Variants in ANKRD6 observed in about 807,000 individuals in gnomAD.
The protein encoded by ANKRD6 is ankyrin repeat domain-containing protein 6.
In ANKRD6, 56 loss-of-function variants were observed where a neutral mutation model predicts 82.3. The ratio of observed to expected loss-of-function variants is 0.68; its 90% CI spans 0.55 to 0.85. The LOEUF (loss-of-function observed/expected upper bound fraction) is 0.85, where lower values mean the gene tolerates loss of function less well. ANKRD6 is among the 40% of genes least tolerant of loss of function. The probability of loss-of-function intolerance (pLI) is 0.00; values close to 1 mark genes in which losing one functional copy is unlikely to be tolerated. For missense variants in ANKRD6, 852 were observed against 907.6 expected, an observed-to-expected ratio of 0.94 and a Z score of 0.79; for synonymous variants, 347 against 352.1, an observed-to-expected ratio of 0.99 and a Z score of 0.16.
At chr6:89,570,656 C>T (rs1414240070) in intron 2 of ANKRD6, among the ~76,000 whole-genome samples, 7 of 152,182 alleles carry the variant, frequency 4.6e-5, no homozygotes, top group African/African-American at 1.4e-4. Flanking sequence ...CCATATTGTC[C>T]TTTTGTGACT....
At chr6:89,494,928 C>T (rs1364404114) in intron 1 of ANKRD6, among the ~76,000 whole-genome samples, 13 of 152,150 alleles carry the variant, frequency 8.5e-5, no homozygotes, top group Non-Finnish European at 1.5e-4. Context: ...GGTCTTGGAA[C>T]CTTTGGTGAC....
rs568381141 is a variant in ANKRD6 at position 89,457,641 on chromosome 6, T to TA, written c.-144+24269dup. Among the ~76,000 whole-genome samples the TA allele has an allele frequency of 4.8e-3, 730 of 152,334 alleles. 1 individual carries two copies. Among genetic ancestry groups the TA allele is most frequent in the Non-Finnish European group, 7.9e-3 (540 of 68,024 alleles). On this transcript the variant is annotated intron_variant, in intron 1 of 15. Transcript: ENST00000339746. ...TATCATTTATTTAAGATACTGGTCT[T>TA]AAACCAAATGGCGGATCATGAACTC...
At chr6:89,596,884 TAAGA>T (rs1264586811) in intron 3 of ANKRD6, among the ~76,000 whole-genome samples, 1 of 152,248 alleles carries the variant, frequency 6.6e-6, no homozygotes, top group African/African-American at 2.4e-5. Context: ...AGTAGAACTC[TAAGA>T]AATAAGAACT....
chr6:89,560,365 C>T (rs891472314), intron 1 of ANKRD6, among the ~76,000 whole-genome samples: 1 of 152,158 alleles, frequency 6.6e-6, no homozygotes, highest in African/African-American at 2.4e-5. Flanking sequence ...ACTCAGAGTA[C>T]GTGTGCAAGC....
chr6:89,567,869 C>A (rs1788884172), intron 2 of ANKRD6, among the ~76,000 whole-genome samples: 1 of 152,146 alleles, frequency 6.6e-6, no homozygotes, highest in African/African-American at 2.4e-5. Flanking sequence ...CAACTTGTAC[C>A]CACAGAGTCT....
intron 1 of ANKRD6, among the ~76,000 whole-genome samples, chr6:89,523,502 G>GCCA (rs531662174): frequency 1.5e-3 from 229 of 152,292 alleles, no homozygotes; most frequent in Admixed American, 4.7e-3. Flanking sequence ...CTAGAAGAGG[G>GCCA]CAGTTCTTTA....
At chr6:89,617,177 C>T (rs1371925451) in intron 8 of ANKRD6, among the ~76,000 whole-genome samples, 1 of 152,216 alleles carries the variant, frequency 6.6e-6, no homozygotes, top group Non-Finnish European at 1.5e-5. Context: ...GCGGTCTCTG[C>T]CCCTCTGAAT....
chr6:89,453,619 G>A (rs1296014699), intron 1 of ANKRD6, among the ~76,000 whole-genome samples: 3 of 151,768 alleles, frequency 2.0e-5, no homozygotes, highest in South Asian at 2.1e-4. Context: ...TCACTCTGTC[G>A]CCTAGTTAGG....
At chr6:89,485,740 T>G (rs766561569) in intron 1 of ANKRD6, among the ~76,000 whole-genome samples, 1 of 152,170 alleles carries the variant, frequency 6.6e-6, no homozygotes, top group Non-Finnish European at 1.5e-5. Context: ...TGTCTAAATT[T>G]TTTGGTAGGT....
chr6:89,513,487 C>G (rs1375792939), intron 1 of ANKRD6, among the ~76,000 whole-genome samples: 1 of 152,138 alleles, frequency 6.6e-6, no homozygotes, highest in Non-Finnish European at 1.5e-5. Context: ...CTTTTTGTAT[C>G]TGACCTCTTT....
chr6:89,630,518 C>G lies in ANKRD6; in HGVS notation c.1698C>G (p.Leu566=). ...PPVVRPKEKA[L]NSTATQRLQQ... is the part of the protein sequence containing the mutation. ...TGGTTAGGCCCAAAGAGAAGGCCCT[C>G]AACTCCACTGCTACCCAGAGACTCC... The change falls in exon 16 of 16, where the codon CTC becomes CTG. Residue 566 remains leucine (L), a synonymous_variant. Transcript: ENST00000339746. 6.2e-7 allele frequency: 1 copy of G among 1,614,068 alleles called. No homozygotes were observed. The highest frequency in any genetic ancestry group is 8.5e-7 in the Non-Finnish European group (1 of 1,179,906).
intron 1 of ANKRD6, among the ~76,000 whole-genome samples, chr6:89,471,766 T>A (rs192243037): frequency 1.6e-4 from 25 of 151,582 alleles, no homozygotes; most frequent in African/African-American, 5.8e-4. Flanking sequence ...AAGACCTTGA[T>A]AAGAGCAATT....
chr6:89,494,973 G>A (rs1582910322), intron 1 of ANKRD6, among the ~76,000 whole-genome samples: 1 of 152,138 alleles, frequency 6.6e-6, no homozygotes, highest in African/African-American at 2.4e-5. Context: ...GGTGGCTCAC[G>A]CCTGTAATCC....
At chr6:89,493,382 C>T (rs548268264) in intron 1 of ANKRD6, among the ~76,000 whole-genome samples, 1 of 151,794 alleles carries the variant, frequency 6.6e-6, no homozygotes, top group Non-Finnish European at 1.5e-5. Flanking sequence ...TGTGTGTCAA[C>T]TCTCACTCTC....
chr6:89,606,174 G>A (rs1198385356), intron 5 of ANKRD6, 69 bp downstream of exon 5: 6 of 1,305,206 alleles, frequency 4.6e-6, no homozygotes, highest in Non-Finnish European at 5.2e-6. Flanking sequence ...TCCCCCTGTG[G>A]GAGCCTTCTT....
Position 89,624,662 on chromosome 6 carries a change from G to T in ANKRD6, c.1342G>T (p.Gly448Trp). 1 of 1,601,014 alleles carries T rather than the reference G, an allele frequency of 6.2e-7. No homozygotes were observed. The highest frequency in any genetic ancestry group is 8.5e-7 in the Non-Finnish European group (1 of 1,173,658). ...SVQDKMNTKL[G>W]QMENKTQHQM... is the part of the protein sequence containing the mutation. Reference sequence around the variant, plus strand: ...TCAGGACAAAATGAATACAAAGCTGGGGCAGATGGAGAATAAGACCCAGCA... The same window carrying T: ...TCAGGACAAAATGAATACAAAGCTGTGGCAGATGGAGAATAAGACCCAGCA... Residue 448 changes from glycine (G) to tryptophan (W), a missense_variant, in exon 13 of 16, where the codon GGG becomes TGG. Transcript: ENST00000339746.
At chr6:89,488,694 G>T (rs1777647876) in intron 1 of ANKRD6, among the ~76,000 whole-genome samples, 1 of 152,088 alleles carries the variant, frequency 6.6e-6, no homozygotes, top group Admixed American at 6.6e-5. Context: ...AGAAATATAG[G>T]TTACATTTAT....
At chr6:89,509,635 C>T (rs1306047879) in intron 1 of ANKRD6, among the ~76,000 whole-genome samples, 1 of 152,010 alleles carries the variant, frequency 6.6e-6, no homozygotes, top group African/African-American at 2.4e-5. Flanking sequence ...ATTTTTTTCT[C>T]AAAATAATAA....
rs778045637 is a variant in ANKRD6, at chr6:89,541,485, C to G, written c.-143-25349C>G. On this transcript the variant is annotated intron_variant, in intron 1 of 15. Transcript: ENST00000339746. ...TCCGCTCACTGCAGCCTCCACATTCCGAGTTCAAGCGATTCTCCTGCCTCA... is the reference window on the plus strand; with the variant it reads ...TCCGCTCACTGCAGCCTCCACATTCGGAGTTCAAGCGATTCTCCTGCCTCA... Among the ~76,000 whole-genome samples, 9 of 145,812 alleles carry G rather than the reference C, an allele frequency of 6.2e-5. No individual in the cohort carries two copies. The East Asian group carries it at 1.4e-3, about 23-fold the overall frequency.
Sources: allele counts gnomAD v4.1 joint callset (sites outside exome capture counted in the v4.1 genomes callset), GRCh38; gene constraint gnomAD v4.1.1; transcripts MANE v1.5; gene names NCBI Gene and HGNC (gene_info 2026-07-23, HGNC 2026-07-21).